IARS2: variants seen among roughly 807,000 people sequenced by gnomAD.
The protein encoded by IARS2 is isoleucyl-tRNA synthetase 2, mitochondrial.
A neutral mutation model predicts 126.3 loss-of-function variants in IARS2; 56 were observed. The ratio of observed to expected loss-of-function variants is 0.44; its 90% CI spans 0.36 to 0.55. The LOEUF is 0.55. Ranked by LOEUF, IARS2 falls within the 20% of genes least tolerant of loss-of-function variation. The pLI is 0.00. For synonymous variants in IARS2, 407 were observed against 441.1 expected (o/e 0.92, Z 0.97); for missense variants, 1,127 against 1,245.9 (o/e 0.90, Z 1.44).
At chr1:220,097,417 G>A (rs1256961344) in intron 2 of IARS2, among the ~76,000 whole-genome samples, 2 of 146,700 alleles carry the variant, frequency 1.4e-5, no homozygotes. Flanking sequence ...GGACTGGAGT[G>A]CAGTGGTGCA....
chr1:220,145,721 T>C (rs766984360), intron 22 of IARS2, 68 bp downstream of exon 22: 1 of 1,313,324 alleles, frequency 7.6e-7, no homozygotes, highest in Non-Finnish European at 1.1e-6. Context: ...TCTCCAACTT[T>C]CCAGTGGACT....
chr1:220,139,242 A>G, intron 18 of IARS2, 103 bp downstream of exon 18: 1 of 808,240 alleles, frequency 1.2e-6, no homozygotes, highest in Non-Finnish European at 1.9e-6. Flanking sequence ...TGGAAATAGT[A>G]ACTATAGCAC....
intron 14 of IARS2, among the ~76,000 whole-genome samples, chr1:220,128,000 C>A (rs1048794719): frequency 6.6e-6 from 1 of 152,112 alleles, no homozygotes; most frequent in Non-Finnish European, 1.5e-5. Context: ...ACACTCCAGT[C>A]AGTAGCAGAC....
chr1:220,121,912 C>T (rs905741835), intron 12 of IARS2, among the ~76,000 whole-genome samples: 1 of 151,962 alleles, frequency 6.6e-6, no homozygotes, highest in East Asian at 1.9e-4. Context: ...AGCAACAAAG[C>T]GAGATTCCCA....
At position 220,094,322 on chromosome 1, in the gene IARS2, G is replaced by A; in HGVS notation, c.106G>A (p.Ala36Thr). ...RLPCSPGWQG[A>T]TKRLLVRSVS... is the part of the protein sequence containing the mutation. Reference sequence around the variant, plus strand: ...TCCCTGCAGCCCGGGATGGCAAGGGGCGACGAAGAGGCTTCTGGTGCGGTC... The same window carrying A: ...TCCCTGCAGCCCGGGATGGCAAGGGACGACGAAGAGGCTTCTGGTGCGGTC... The change falls in exon 1 of 23, where the codon GCG becomes ACG. Residue 36 changes from alanine to threonine, a missense_variant. Physicochemically the swap from Ala to Thr is moderately conservative, Grantham distance 58 (BLOSUM62 0). Transcript: ENST00000366922. 2 of 1,612,790 alleles carry A rather than the reference G, an allele frequency of 1.2e-6. No individual in the cohort carries two copies. Among genetic ancestry groups the A allele is most frequent in the African/African-American group, 1.3e-5 (1 of 74,952 alleles).
chr1:220,122,358 G>A (rs1657067247), intron 12 of IARS2, among the ~76,000 whole-genome samples: 1 of 152,168 alleles, frequency 6.6e-6, no homozygotes, highest in Non-Finnish European at 1.5e-5. Context: ...AGACTGCCTA[G>A]TTCCTCACTT....
intron 6 of IARS2, 33 bp downstream of exon 6, chr1:220,102,637 G>A (rs759657956): frequency 2.5e-6 from 4 of 1,587,384 alleles, no homozygotes; most frequent in Non-Finnish European, 3.5e-6. Context: ...GTGTACCAAA[G>A]TTATAGAATT....
intron 11 of IARS2, among the ~76,000 whole-genome samples, chr1:220,112,518 C>T (rs887145581): frequency 2.6e-5 from 4 of 151,436 alleles, no homozygotes; most frequent in African/African-American, 4.9e-5. Flanking sequence ...TATATTGTCC[C>T]GGCGATATTT....
Position 220,102,951 on chromosome 1 carries a change from A to G in IARS2, c.950+174A>G, listed in dbSNP as rs144080384. Among the ~76,000 whole-genome samples, 559 of 152,232 alleles carry G rather than the reference A, an allele frequency of 3.7e-3. 5 individuals carry two copies. Among genetic ancestry groups the G allele is most frequent in the African/African-American group, 0.012 (517 of 41,548 alleles). On this transcript the variant is annotated intron_variant, in intron 7 of 22. Transcript: ENST00000366922. ...TTTAGGTGATCCTTTTTATGACCTT[A>G]TCCAGCTTTTCGGGAAAATGAAATA...
intron 7 of IARS2, 92 bp from the exon 8 acceptor site, chr1:220,103,355 G>A (rs1316394100): frequency 1.2e-6 from 1 of 856,324 alleles, no homozygotes; most frequent in Non-Finnish European, 1.9e-6. Context: ...CCTGAAGTCA[G>A]TTTTTTCTAA....
intron 22 of IARS2, among the ~76,000 whole-genome samples, chr1:220,146,517 CAAAAAAAAAAAAA>C (rs1186000971): frequency 1.6e-5 from 1 of 62,070 alleles, no homozygotes; most frequent in Non-Finnish European, 3.1e-5. Context: ...GACTCCGTCT[CAAAAAAAAAAAAA>C]AAAAAAAAAG....
chr1:220,094,687 G>C (rs76818352), intron 1 of IARS2, among the ~76,000 whole-genome samples: 1 of 152,322 alleles, frequency 6.6e-6, no homozygotes, highest in Non-Finnish European at 1.5e-5. Flanking sequence ...CCCCTCCTTT[G>C]TACCAGGTTC....
At chr1:220,127,079 G>A (rs938805236) in intron 14 of IARS2, among the ~76,000 whole-genome samples, 1 of 152,150 alleles carries the variant, frequency 6.6e-6, no homozygotes, top group Non-Finnish European at 1.5e-5. Context: ...AGTTAAACAT[G>A]GGAATATTTT....
chr1:220,141,261 G>A (rs909156831), intron 19 of IARS2, among the ~76,000 whole-genome samples: 2 of 152,198 alleles, frequency 1.3e-5, no homozygotes, highest in Admixed American at 1.3e-4. Flanking sequence ...GAGGGGAAGA[G>A]AGAGATATAT....
Position 220,139,026 on chromosome 1 carries a change from T to G in IARS2, c.2194T>G (p.Phe732Val), listed in dbSNP as rs1193095174. The G allele has an allele frequency of 1.2e-6, 2 of 1,613,552 alleles. No individual in the cohort carries two copies. The highest frequency in any genetic ancestry group is 2.7e-5 in the African/African-American group (2 of 74,920). The change falls in exon 18 of 23, where the codon TTT becomes GTT. Residue 732 changes from phenylalanine (F) to valine (V), a missense_variant. By Grantham distance (50) the Phe-to-Val change is conservative. Transcript: ENST00000366922. ...TGAATAGCTTAGGAATACACTTCGC[T>G]TTCTTTTGGGAAATGTGGCTGATTT... ...DISKLRNTLR[F>V]LLGNVADFNP...
At chr1:220,135,538 T>C (rs1046736918) in intron 15 of IARS2, among the ~76,000 whole-genome samples, 1 of 152,090 alleles carries the variant, frequency 6.6e-6, no homozygotes, top group African/African-American at 2.4e-5. Flanking sequence ...TTTTGTACTT[T>C]TAATAGAGAC....
chr1:220,120,500 C>G (rs190248177), intron 12 of IARS2, among the ~76,000 whole-genome samples: 8 of 151,916 alleles, frequency 5.3e-5, no homozygotes, highest in Middle Eastern at 6.3e-3. Flanking sequence ...TCAGCACCCC[C>G]CAAGTAGCTG....
intron 12 of IARS2, among the ~76,000 whole-genome samples, chr1:220,119,898 A>G (rs755922678): frequency 2.6e-5 from 4 of 152,100 alleles, no homozygotes; most frequent in Non-Finnish European, 5.9e-5. Flanking sequence ...CATCTCTATA[A>G]TGAGTGTCTT....
At chr1:220,133,039 C>T (rs1291259028) in intron 14 of IARS2, among the ~76,000 whole-genome samples, 2 of 149,790 alleles carry the variant, frequency 1.3e-5, no homozygotes, top group Middle Eastern at 3.2e-3. Flanking sequence ...GAGACAGATT[C>T]TTACTCTGTC....
Sources: allele counts gnomAD v4.1 joint callset (sites outside exome capture counted in the v4.1 genomes callset), GRCh38; gene constraint gnomAD v4.1.1; transcripts MANE v1.5; gene names NCBI Gene and HGNC (gene_info 2026-07-23, HGNC 2026-07-21).